PXDNL: variants seen among roughly 807,000 people sequenced by gnomAD.
PXDNL encodes the protein probable oxidoreductase PXDNL.
In PXDNL, 145 loss-of-function variants were observed where a neutral mutation model predicts 150.8. The observed-to-expected ratio is 0.96, with a 90% CI of 0.84 to 1.10. The LOEUF (loss-of-function observed/expected upper bound fraction) is 1.10. Ranked by LOEUF, PXDNL falls within the 50% of genes least tolerant of loss-of-function variation. The probability of loss-of-function intolerance (pLI) is 0.00; values close to 1 mark genes in which losing one functional copy is unlikely to be tolerated. For synonymous variants in PXDNL, 757 were observed against 725.7 expected (o/e 1.04, Z -0.69); for missense variants, 2,087 against 1,873.9 (o/e 1.11, Z -2.10).
At chr8:51,540,131 CA>C (rs1812181027) in intron 4 of PXDNL, among the ~76,000 whole-genome samples, 1 of 152,136 alleles carries the variant, frequency 6.6e-6, no homozygotes, top group Non-Finnish European at 1.5e-5. Flanking sequence ...CTCCTGGCCT[CA>C]AGTGATCCAT....
intron 1 of PXDNL, among the ~76,000 whole-genome samples, chr8:51,804,009 A>C (rs1391476622): frequency 2.0e-5 from 3 of 152,206 alleles, no homozygotes; most frequent in Non-Finnish European, 4.4e-5. Flanking sequence ...TAGAAAGTTT[A>C]TTTTGCCAAG....
intron 17 of PXDNL, among the ~76,000 whole-genome samples, chr8:51,383,461 C>T (rs891124461): frequency 1.6e-4 from 25 of 152,252 alleles, no homozygotes; most frequent in African/African-American, 5.5e-4. Flanking sequence ...ACACCAAGCC[C>T]CTTTCTGTTG....
chr8:51,412,572 G>A (rs553474426), intron 15 of PXDNL, among the ~76,000 whole-genome samples: 9 of 152,288 alleles, frequency 5.9e-5, no homozygotes, highest in Admixed American at 5.2e-4. Context: ...GGGATTTTAC[G>A]ATGTCCCTTT....
At chr8:51,426,057 T>C (rs888031017) in intron 13 of PXDNL, among the ~76,000 whole-genome samples, 1 of 152,214 alleles carries the variant, frequency 6.6e-6, no homozygotes, top group African/African-American at 2.4e-5. Flanking sequence ...TGTGCAAATT[T>C]GTAGATTTTT....
chr8:51,512,655 G>T (rs1811446269), intron 4 of PXDNL, among the ~76,000 whole-genome samples: 1 of 152,186 alleles, frequency 6.6e-6, no homozygotes, highest in Non-Finnish European at 1.5e-5. Flanking sequence ...GATTAAAGGG[G>T]ACATATGTAA....
intron 4 of PXDNL, among the ~76,000 whole-genome samples, chr8:51,521,786 T>C (rs1372284352): frequency 1.3e-5 from 2 of 152,070 alleles, no homozygotes; most frequent in Non-Finnish European, 2.9e-5. Context: ...AAGATAAACT[T>C]ATCTACAGAG....
chr8:51,463,718 C>T (rs1810133740), intron 8 of PXDNL, among the ~76,000 whole-genome samples: 1 of 152,058 alleles, frequency 6.6e-6, no homozygotes, highest in East Asian at 1.9e-4. Flanking sequence ...AAGCAAGTCT[C>T]AATAAATGCA....
At chr8:51,723,667 TGA>T (rs1297020292) in intron 1 of PXDNL, among the ~76,000 whole-genome samples, 2 of 152,122 alleles carry the variant, frequency 1.3e-5, no homozygotes, top group African/African-American at 4.8e-5. Context: ...AATTCAGCAG[TGA>T]GCCACCTGCC....
intron 17 of PXDNL, among the ~76,000 whole-genome samples, chr8:51,376,855 A>C (rs1461173132): frequency 6.6e-6 from 1 of 151,500 alleles, no homozygotes; most frequent in African/African-American, 2.4e-5. Context: ...AGTAGCTGGG[A>C]CTACAGGCGC....
chr8:51,522,794 A>G (rs2130390290), intron 4 of PXDNL, among the ~76,000 whole-genome samples: 1 of 152,332 alleles, frequency 6.6e-6, no homozygotes, highest in Non-Finnish European at 1.5e-5. Flanking sequence ...CAGTGAGCCA[A>G]GATCGTGCCA....
chr8:51,549,734 A>G (rs1236301609), intron 4 of PXDNL, among the ~76,000 whole-genome samples: 1 of 139,934 alleles, frequency 7.1e-6, no homozygotes, highest in African/African-American at 2.9e-5. Flanking sequence ...AAAATCTAAA[A>G]GAGCACAAAC....
chr8:51,575,442 A>G lies in PXDNL; in HGVS notation c.308+17185T>C, dbSNP rs1813031445. Reference sequence around the variant, plus strand: ...AAATAGTCTAAACACACTGATTAAAAGACAAGGTTGCCCCTGAATCCCAGC... The same window carrying G: ...AAATAGTCTAAACACACTGATTAAAGGACAAGGTTGCCCCTGAATCCCAGC... On this transcript the variant is annotated intron_variant, in intron 3 of 22. Coordinates refer to ENST00000356297, the MANE Select transcript of PXDNL (RefSeq NM_144651.5). Among the ~76,000 whole-genome samples the G allele has an allele frequency of 2.0e-5, 3 of 152,188 alleles. No individual in the cohort carries two copies. In the South Asian group the frequency reaches 6.2e-4, roughly 32 times the overall value.
In PXDNL at chr8:51,609,923, C is replaced by T. The variant is rs189417904; in HGVS notation, c.237-17225G>A. Among the ~76,000 whole-genome samples, 94 of 152,274 alleles carry T rather than the reference C, an allele frequency of 6.2e-4. 1 individual carries two copies. Among genetic ancestry groups the T allele is most frequent in the Middle Eastern group, 6.8e-3 (2 of 294 alleles). ...TTCTGGGAGCAGGGGGTTCTCTGTC[C>T]CACTGTCTATGTTTGCAAAGCCCCG... On this transcript the variant is annotated intron_variant, in intron 2 of 22. Transcript: ENST00000356297.
At position 51,412,277 on chromosome 8, in the gene PXDNL, C is replaced by T. The variant is rs191992816; in HGVS notation, c.1905-870G>A. 5.9e-5 allele frequency among the ~76,000 whole-genome samples: 9 copies of T among 152,250 alleles called. No homozygotes were observed. In the East Asian group the frequency reaches 1.7e-3, roughly 29 times the overall value. The stretch of plus-strand genomic sequence containing the variant: ...TCACTTTGGTTAAGCACTTTCTATT[C>T]TCCAGGCACTGTTGAAGCACTTTTT... On this transcript the variant is annotated intron_variant, in intron 15 of 22. Coordinates refer to ENST00000356297, the MANE Select transcript of PXDNL (RefSeq NM_144651.5).
intron 2 of PXDNL, among the ~76,000 whole-genome samples, chr8:51,639,884 G>A (rs527622459): frequency 5.5e-4 from 84 of 152,220 alleles, no homozygotes; most frequent in African/African-American, 2.0e-3. Flanking sequence ...ACCAAAGCCA[G>A]GAAGAGACGC....
chr8:51,722,301 G>T (rs919368814), intron 1 of PXDNL: 2 of 152,408 alleles, frequency 1.3e-5, no homozygotes, highest in African/African-American at 4.8e-5. Context: ...ATGGGAGGGG[G>T]AGCACACAGA....
intron 17 of PXDNL, among the ~76,000 whole-genome samples, chr8:51,377,802 C>A (rs1325085328): frequency 6.6e-6 from 1 of 152,214 alleles, no homozygotes; most frequent in Non-Finnish European, 1.5e-5. Flanking sequence ...GCCTCCCCCA[C>A]ACCGCGGGCT....
rs186593809 is a variant in PXDNL, at chr8:51,330,896, T to A, written c.4146+8728A>T. 2.5e-3 allele frequency among the ~76,000 whole-genome samples: 374 copies of A among 152,270 alleles called. 3 individuals are homozygous for A. Among genetic ancestry groups the A allele is most frequent in the South Asian group, 0.011 (52 of 4,828 alleles). On this transcript the variant is annotated intron_variant, in intron 21 of 22. Coordinates refer to ENST00000356297, the MANE Select transcript of PXDNL (RefSeq NM_144651.5). Reference sequence around the variant, plus strand: ...GATCCTGAGAGAAAATTCCTCTCAATCTGTGAACCTGAGAAACCAAACAAG... The same window carrying A: ...GATCCTGAGAGAAAATTCCTCTCAAACTGTGAACCTGAGAAACCAAACAAG...
intron 1 of PXDNL, among the ~76,000 whole-genome samples, chr8:51,693,619 A>G (rs2130866432): frequency 6.6e-6 from 1 of 152,174 alleles, no homozygotes; most frequent in South Asian, 2.1e-4. Context: ...CTAAAAATAC[A>G]ATTAGCCAGG....
Sources: allele counts gnomAD v4.1 joint callset (sites outside exome capture counted in the v4.1 genomes callset), GRCh38; gene constraint gnomAD v4.1.1; transcripts MANE v1.5; gene names NCBI Gene and HGNC (gene_info 2026-07-23, HGNC 2026-07-21).